The following GRM1 variants were observed in gnomAD, a reference collection of about 807,000 sequenced individuals.
GRM1 encodes metabotropic glutamate receptor 1.
GRM1 carries 33 observed loss-of-function variants against 90.9 expected under a neutral mutation model. The observed-to-expected ratio is 0.36, with a 90% confidence interval of 0.28 to 0.49. The LOEUF (loss-of-function observed/expected upper bound fraction) is 0.49. GRM1 is among the 20% of genes least tolerant of loss of function. GRM1 has a pLI of 0.99. For synonymous variants in GRM1, 700 were observed against 613.2 expected, an observed-to-expected ratio of 1.14 and a Z score of -2.09; for missense variants, 1,190 against 1,534.3, an observed-to-expected ratio of 0.78 and a Z score of 3.75.
At chr6:146,125,338 G>T (rs1004576910) in intron 1 of GRM1, among the ~76,000 whole-genome samples, 3 of 151,918 alleles carry the variant, frequency 2.0e-5, no homozygotes, top group African/African-American at 7.3e-5. Context: ...CTGCTTTCTT[G>T]TCATGTTCAG....
intron 2 of GRM1, among the ~76,000 whole-genome samples, chr6:146,247,474 T>A (rs1781099859): frequency 6.6e-6 from 1 of 152,062 alleles, no homozygotes; most frequent in African/African-American, 2.4e-5. Context: ...TATGGCCGGG[T>A]GCAGCAGCTC....
At position 146,434,602 on chromosome 6, in the gene GRM1, C is replaced by T. The variant is rs768113111; in HGVS notation, c.3391C>T (p.Leu1131=). The part of the protein sequence containing the change: ...EDELEEEEED[L]QAASKLTPDD... ...CGAACTGGAAGAGGAGGAGGAGGAC[C>T]TGCAGGCGGCCAGCAAACTGACCCC... Residue 1131 remains leucine (L), a synonymous_variant, in exon 8 of 8, where the codon CTG becomes TTG. Transcript: ENST00000282753. The T allele has an allele frequency of 6.2e-7, 1 of 1,613,552 alleles. No individual in the cohort carries two copies. Among genetic ancestry groups the T allele is most frequent in the Non-Finnish European group, 8.5e-7 (1 of 1,180,020 alleles).
At chr6:146,388,885 A>G (rs1270097035) in intron 6 of GRM1, among the ~76,000 whole-genome samples, 1 of 152,100 alleles carries the variant, frequency 6.6e-6, no homozygotes, top group East Asian at 1.9e-4. Flanking sequence ...ACCCAGGGTC[A>G]TCGAGGTCAA....
At chr6:146,390,815 A>G (rs1174683941) in intron 6 of GRM1, among the ~76,000 whole-genome samples, 1 of 152,100 alleles carries the variant, frequency 6.6e-6, no homozygotes, top group Non-Finnish European at 1.5e-5. Context: ...CTAGCCATGT[A>G]AACAGCCAAC....
At chr6:146,158,685 T>C (rs1777605758) in intron 1 of GRM1, among the ~76,000 whole-genome samples, 1 of 152,212 alleles carries the variant, frequency 6.6e-6, no homozygotes, top group Non-Finnish European at 1.5e-5. Context: ...AATATTTATC[T>C]CATTGATTTC....
At chr6:146,402,427 CA>C (rs1311875383) in intron 7 of GRM1, among the ~76,000 whole-genome samples, 1 of 151,994 alleles carries the variant, frequency 6.6e-6, no homozygotes, top group Non-Finnish European at 1.5e-5. Flanking sequence ...TTTTTATTGC[CA>C]TTTTATATTT....
intron 1 of GRM1, among the ~76,000 whole-genome samples, chr6:146,093,724 T>C (rs1426425706): frequency 6.6e-6 from 1 of 152,040 alleles, no homozygotes; most frequent in African/African-American, 2.4e-5. Context: ...TTCTCAAACA[T>C]GCATATACAA....
intron 3 of GRM1, among the ~76,000 whole-genome samples, chr6:146,319,755 GCTCT>G (rs1784102314): frequency 6.6e-6 from 1 of 151,914 alleles, no homozygotes; most frequent in South Asian, 2.1e-4. Flanking sequence ...TCATGATTTG[GCTCT>G]CTGTTTGTCT....
At chr6:146,268,950 T>TA (rs994499464) in intron 2 of GRM1, among the ~76,000 whole-genome samples, 3 of 152,168 alleles carry the variant, frequency 2.0e-5, no homozygotes, top group Non-Finnish European at 2.9e-5. Flanking sequence ...CCCACACACT[T>TA]ACAGCCAACT....
intron 2 of GRM1, among the ~76,000 whole-genome samples, chr6:146,302,507 G>C (rs933267027): frequency 9.9e-5 from 15 of 151,622 alleles, no homozygotes; most frequent in African/African-American, 3.6e-4. Context: ...AAATAGCTGG[G>C]ACCACAGGTG....
intron 2 of GRM1, among the ~76,000 whole-genome samples, chr6:146,216,278 A>C (rs1440571852): frequency 6.6e-6 from 1 of 152,230 alleles, no homozygotes; most frequent in Non-Finnish European, 1.5e-5. Context: ...ACTGAAAATT[A>C]GGAATATACC....
chr6:146,029,768 A>G lies in GRM1; in HGVS notation c.251A>G (p.His84Arg), dbSNP rs748392238. The part of the protein sequence containing the change: ...YGIQRVEAMF[H>R]TLDKINADPV... ...ATCCAGAGGGTGGAGGCCATGTTCC[A>G]CACGTTGGATAAGATCAACGCGGAC... The change falls in exon 1 of 8, where the codon CAC (histidine) becomes CGC (arginine). Residue 84 changes from histidine to arginine, a missense_variant. Physicochemically the swap from His to Arg is conservative, Grantham distance 29 (BLOSUM62 0). Transcript: ENST00000282753. 1 of 1,614,022 alleles carries G rather than the reference A, an allele frequency of 6.2e-7. No homozygotes were observed. Among genetic ancestry groups the G allele is most frequent in the Non-Finnish European group, 8.5e-7 (1 of 1,179,962 alleles).
Position 146,305,313 on chromosome 6 carries a change from T to A in GRM1, c.1186+467T>A, listed in dbSNP as rs563644656. ...TTTGTGGGCATAGGGGCCAAGAAACTGCACTCTGATCTTTCAGTCAGAACA... is the reference window on the plus strand; with the variant it reads ...TTTGTGGGCATAGGGGCCAAGAAACAGCACTCTGATCTTTCAGTCAGAACA... On this transcript the variant is annotated intron_variant, in intron 3 of 7. Transcript: ENST00000282753. 2.0e-5 allele frequency among the ~76,000 whole-genome samples: 3 copies of A among 152,106 alleles called. No individual in the cohort carries two copies. The South Asian group carries it at 6.2e-4, about 32-fold the overall frequency.
At chr6:146,115,260 A>G (rs1048389300) in intron 1 of GRM1, among the ~76,000 whole-genome samples, 1 of 151,974 alleles carries the variant, frequency 6.6e-6, no homozygotes, top group Admixed American at 6.6e-5. Context: ...ATATATACAT[A>G]TACTATACAT....
In GRM1 at chr6:146,331,042, G is replaced by A. The variant is rs3025907; in HGVS notation, c.1187-21208G>A. Among the ~76,000 whole-genome samples the A allele has an allele frequency of 4.8e-3, 731 of 152,274 alleles. 4 individuals are homozygous for A. Among genetic ancestry groups the A allele is most frequent in the African/African-American group, 0.017 (701 of 41,554 alleles). ...GGACAAGGAAGCACATACTATACACGATGTGCTAATTGTGAAGTTCAGATC... is the reference window on the plus strand; with the variant it reads ...GGACAAGGAAGCACATACTATACACAATGTGCTAATTGTGAAGTTCAGATC... On this transcript the variant is annotated intron_variant, in intron 3 of 7. Transcript: ENST00000282753.
upstream of GRM1, among the ~76,000 whole-genome samples, chr6:146,028,094 G>A (rs551405288): frequency 1.3e-5 from 2 of 152,042 alleles, no homozygotes; most frequent in African/African-American, 4.8e-5. Context: ...ACGGGAGAGG[G>A]AGCCAACTTC....
At chr6:146,117,284 T>A (rs1335755166) in intron 1 of GRM1, among the ~76,000 whole-genome samples, 2 of 151,802 alleles carry the variant, frequency 1.3e-5, no homozygotes, top group African/African-American at 4.8e-5. Flanking sequence ...AATATTTATC[T>A]TTCTATATAA....
chr6:146,077,372 T>G (rs2128861478), intron 1 of GRM1, among the ~76,000 whole-genome samples: 1 of 152,308 alleles, frequency 6.6e-6, no homozygotes, highest in Admixed American at 6.5e-5. Context: ...ACCTTGGTGG[T>G]TTCAGTCAGT....
chr6:146,224,038 G>A (rs1562539475), intron 2 of GRM1, among the ~76,000 whole-genome samples: 1 of 151,966 alleles, frequency 6.6e-6, no homozygotes, highest in Admixed American at 6.6e-5. Flanking sequence ...AATAATTTGG[G>A]CCCTCCAGAA....
Sources: allele counts gnomAD v4.1 joint callset (sites outside exome capture counted in the v4.1 genomes callset), GRCh38; gene constraint gnomAD v4.1.1; transcripts MANE v1.5; gene names NCBI Gene and HGNC (gene_info 2026-07-23, HGNC 2026-07-21).